AFP: variants seen among roughly 807,000 people sequenced by gnomAD.
AFP encodes alpha-fetoprotein.
In AFP, 64 loss-of-function variants were observed where a neutral mutation model predicts 78.9. That is an observed-to-expected ratio of 0.81 (90% CI 0.66 to 1.00). The LOEUF (loss-of-function observed/expected upper bound fraction) is 1.00, where lower values mean the gene tolerates loss of function less well. Ranked by LOEUF, AFP falls within the 50% of genes least tolerant of loss-of-function variation. The probability of loss-of-function intolerance (pLI) is 0.00; values close to 1 mark genes in which losing one functional copy is unlikely to be tolerated. For synonymous variants in AFP, 254 were observed against 243.8 expected, an observed-to-expected ratio of 1.04 and a Z score of -0.39; for missense variants, 689 against 703.8, an observed-to-expected ratio of 0.98 and a Z score of 0.24.
In AFP at chr4:73,450,274, G is replaced by T; in HGVS notation, c.1289+141G>T. The T allele has an allele frequency of 4.1e-6, 3 of 727,542 alleles. No homozygotes were observed. In the South Asian group the frequency reaches 5.4e-5, roughly 13 times the overall value. The allele number at this position is 727,542 out of a possible 1,614,324, so 45.1% of individuals were successfully genotyped here. Reference sequence around the variant, plus strand: ...ATTGACTTTAAGTTCCCCATACTGTGCAAATTTTTGCAGTAAAGATATCCA... The same window carrying T: ...ATTGACTTTAAGTTCCCCATACTGTTCAAATTTTTGCAGTAAAGATATCCA... On this transcript the variant is annotated intron_variant, in intron 10 of 14. Transcript: ENST00000395792.
chr4:73,436,391 T>A, intron 1 of AFP, 44 bp downstream of exon 1: 2 of 1,135,566 alleles, frequency 1.8e-6, no homozygotes, highest in Non-Finnish European at 2.5e-6. Context: ...TATATCAAAA[T>A]TTTTTAAATT....
At chr4:73,450,205 C>T (rs1719948590) in intron 10 of AFP, 72 bp downstream of exon 10, 2 of 1,213,386 alleles carry the variant, frequency 1.6e-6, no homozygotes, top group Non-Finnish European at 2.4e-6. Context: ...CCATTCTCCT[C>T]CTTTGGAAGC....
intron 7 of AFP, 108 bp from the exon 8 acceptor site, chr4:73,447,354 T>C: frequency 2.7e-6 from 2 of 743,092 alleles, no homozygotes; most frequent in Non-Finnish European, 4.3e-6. Flanking sequence ...CTTCTTTCTT[T>C]GTTCCCTTCT....
Position 73,440,451 on chromosome 4 carries a change from T to C in AFP, c.271-151T>C, listed in dbSNP as rs143961760. 577 of 662,812 alleles carry C rather than the reference T, an allele frequency of 8.7e-4. 2 individuals are homozygous for C. In the African/African-American group the frequency reaches 9.0e-3, roughly 10 times the overall value. The allele number at this position is 662,812 out of a possible 1,614,324, so 41.1% of individuals were successfully genotyped here. A position where few individuals can be genotyped will look rare whatever the true frequency, so the allele number is the denominator to read the frequency against. Reference sequence around the variant, plus strand: ...TAAGGCAGCAAAGAAATCTATTTCATCAGGCTGAAACAAAATACATTAGAA... The same window carrying C: ...TAAGGCAGCAAAGAAATCTATTTCACCAGGCTGAAACAAAATACATTAGAA... On this transcript the variant is annotated intron_variant, in intron 3 of 14. Transcript: ENST00000395792.
chr4:73,450,410 T>G (rs1214784992), intron 10 of AFP: 1 of 706,512 alleles, frequency 1.4e-6, no homozygotes, highest in Non-Finnish European at 2.3e-6. Flanking sequence ...GCTTTTTCAT[T>G]GTGATATGCT....
At chr4:73,437,277 A>T (rs1719535676) in intron 2 of AFP, 66 bp downstream of exon 2, 2 of 1,363,242 alleles carry the variant, frequency 1.5e-6, no homozygotes. Flanking sequence ...ACTTAAATAA[A>T]ATTGGGTACC....
intron 2 of AFP, among the ~76,000 whole-genome samples, chr4:73,437,599 A>C (rs750248189): frequency 6.6e-6 from 1 of 151,964 alleles, no homozygotes; most frequent in East Asian, 1.9e-4. Flanking sequence ...AAAATATTCT[A>C]TTTGCTGTTA....
intron 10 of AFP, among the ~76,000 whole-genome samples, 178 bp downstream of exon 10, chr4:73,450,311 T>C (rs756070767): frequency 2.0e-5 from 3 of 152,234 alleles, no homozygotes; most frequent in African/African-American, 4.8e-5. Context: ...TCTGTCATAG[T>C]CTGTCCGAGT....
In AFP at chr4:73,445,014, G is replaced by C; in HGVS notation, c.735G>C (p.Gln245His). 1 of 1,612,452 alleles carries C rather than the reference G, an allele frequency of 6.2e-7. No homozygotes were observed. The highest frequency in any genetic ancestry group is 8.5e-7 in the Non-Finnish European group (1 of 1,178,670). Residue 245 changes from glutamine (Q) to histidine (H), a missense_variant, in exon 7 of 15, where the codon CAG becomes CAC. By Grantham distance (24) the Gln-to-His change is conservative. Coordinates refer to ENST00000395792, the MANE Select transcript of AFP (RefSeq NM_001134.3). ...CTAGAACTGTTACTAAACTGAGTCAGAAGTTTACCAAAGTTAATTTTACTG... is the reference window on the plus strand; with the variant it reads ...CTAGAACTGTTACTAAACTGAGTCACAAGTTTACCAAAGTTAATTTTACTG... ...FQAITVTKLS[Q>H]KFTKVNFTEI...
Position 73,442,323 on chromosome 4 carries a change from T to A in AFP, c.510T>A (p.His170Gln). The change falls in exon 5 of 15, where the codon CAT (histidine) becomes CAA (glutamine). Residue 170 changes from histidine (H) to glutamine (Q), a missense_variant. His to Gln is a conservative substitution (Grantham distance 24). Transcript: ENST00000395792. Reference protein sequence around the residue: ...NKFIYEIARRHPFLYAPTILL... With the variant: ...NKFIYEIARRQPFLYAPTILL... ...TCATTTATGAGATAGCAAGAAGGCATCCCTTCCTGTATGCACCTACAATTC... is the reference window on the plus strand; with the variant it reads ...TCATTTATGAGATAGCAAGAAGGCAACCCTTCCTGTATGCACCTACAATTC... 1 of 1,613,928 alleles carries A rather than the reference T, an allele frequency of 6.2e-7. No individual in the cohort carries two copies.
At chr4:73,437,098 C>T (rs542956961) in intron 1 of AFP, 62 bp from the exon 2 acceptor site, 2 of 1,236,236 alleles carry the variant, frequency 1.6e-6, no homozygotes, top group Non-Finnish European at 2.4e-6. Flanking sequence ...TCATATGTAA[C>T]AATGATTACT....
intron 11 of AFP, 72 bp downstream of exon 11, chr4:73,450,825 T>G (rs1719971662): frequency 6.2e-7 from 1 of 1,607,736 alleles, no homozygotes; most frequent in African/African-American, 1.3e-5. Context: ...ATAATTCCCC[T>G]CTAGGGAAGA....
At chr4:73,455,133 A>C in intron 13 of AFP, 103 bp from the exon 14 acceptor site, 5 of 922,480 alleles carry the variant, frequency 5.4e-6, no homozygotes, top group Non-Finnish European at 8.8e-6. Context: ...TAACTTAGTT[A>C]ATCTACAAAC....
At chr4:73,450,015 G>T in intron 9 of AFP, 21 bp from the exon 10 acceptor site, 1 of 1,560,474 alleles carries the variant, frequency 6.4e-7, no homozygotes, top group Non-Finnish European at 8.8e-7. Context: ...AAATGTATAT[G>T]TAATAATTCT....
At chr4:73,443,240 T>C (rs577742467) in intron 5 of AFP, 107 bp from the exon 6 acceptor site, 5 of 829,082 alleles carry the variant, frequency 6.0e-6, no homozygotes, top group African/African-American at 5.2e-5. Context: ...AAAAACATAT[T>C]TTATGGAATT....
intron 4 of AFP, 145 bp downstream of exon 4, chr4:73,440,958 G>C: frequency 1.3e-6 from 1 of 768,460 alleles, no homozygotes. Context: ...TCCCAGACAA[G>C]GTAATTAGGA....
At chr4:73,444,778 A>G (rs1475210644) in intron 6 of AFP, among the ~76,000 whole-genome samples, 29 of 152,194 alleles carry the variant, frequency 1.9e-4, no homozygotes. Context: ...ATTATTTCTA[A>G]ACCATTTGTG....
intron 11 of AFP, among the ~76,000 whole-genome samples, chr4:73,451,433 T>A (rs188688282): frequency 1.3e-5 from 2 of 152,366 alleles, no homozygotes; most frequent in Admixed American, 1.3e-4. Context: ...TTCCTCTTTT[T>A]CATAATGGGG....
At chr4:73,438,783 C>T (rs1719583746) in intron 3 of AFP, among the ~76,000 whole-genome samples, 1 of 152,034 alleles carries the variant, frequency 6.6e-6, no homozygotes, top group Non-Finnish European at 1.5e-5. Context: ...GAATGGTTGT[C>T]CAGTGAGTCA....
Sources: allele counts gnomAD v4.1 joint callset (sites outside exome capture counted in the v4.1 genomes callset), GRCh38; gene constraint gnomAD v4.1.1; transcripts MANE v1.5; gene names NCBI Gene and HGNC (gene_info 2026-07-23, HGNC 2026-07-21).